PATE1: variants seen among roughly 807,000 people sequenced by gnomAD.
PATE1 encodes prostate and testis expressed 1.
PATE1 carries 21 observed loss-of-function variants against 13.1 expected under a neutral mutation model. The observed-to-expected ratio is 1.61, with a 90% confidence interval of 1.14 to 2.31. The LOEUF is 2.31. Ranked by LOEUF, PATE1 falls within the 30% of genes most tolerant of loss-of-function variation. The pLI is 0.00. For synonymous variants in PATE1, 52 were observed against 47.1 expected, an observed-to-expected ratio of 1.10 and a Z score of -0.43; for missense variants, 166 against 147.2, an observed-to-expected ratio of 1.13 and a Z score of -0.66.
chr11:125,746,400 G>A, intron 1 of PATE1, 44 bp downstream of exon 1: 1 of 1,593,312 alleles, frequency 6.3e-7, no homozygotes, highest in South Asian at 1.1e-5. Context: ...CTGAATTTAG[G>A]AACAGGTGAG....
Position 125,749,860 on chromosome 11 carries a change from T to C in PATE1, c.*1127T>C, listed in dbSNP as rs879548979. ...TATAAAGAAAGCTACCTTTCTTCTATACCCAAATTGTGTGTCCTTCTTTCT... is the reference window on the plus strand; with the variant it reads ...TATAAAGAAAGCTACCTTTCTTCTACACCCAAATTGTGTGTCCTTCTTTCT... On this transcript the variant is annotated 3_prime_UTR_variant, in exon 5 of 5. Transcript: ENST00000305738. 6 of 152,016 alleles carry C rather than the reference T, an allele frequency of 3.9e-5. No homozygotes were observed. Among genetic ancestry groups the C allele is most frequent in the Non-Finnish European group, 8.8e-5 (6 of 67,998 alleles). 9.4% of individuals were successfully genotyped at this position (152,016 alleles called of 1,614,324 possible).
Position 125,747,932 on chromosome 11 carries a change from T to C in PATE1, c.247+110T>C, listed in dbSNP as rs1943288255. On this transcript the variant is annotated intron_variant, in intron 4 of 4. Coordinates refer to ENST00000305738, the MANE Select transcript of PATE1 (RefSeq NM_138294.3). ...TTTACTTTTACTATAGGCAGTCTCA[T>C]ACCTGGGATGGCTGATTCCTTCATC... The C allele has an allele frequency of 4.8e-6, 7 of 1,473,424 alleles. No individual in the cohort carries two copies. In the Admixed American group the frequency reaches 5.8e-5, roughly 12 times the overall value. The allele number at this position is 1,473,424 out of a possible 1,614,324, so 91.3% of individuals were successfully genotyped here.
At chr11:125,748,474 A>T in intron 4 of PATE1, 126 bp from the exon 5 acceptor site, 1 of 1,178,554 alleles carries the variant, frequency 8.5e-7, no homozygotes, top group Non-Finnish European at 1.2e-6. Context: ...CCAGTTCTTT[A>T]CATTTGAATA....
rs781240082 is a variant in PATE1 at position 125,746,624 on chromosome 11, G to C, written c.53-37G>C. ...CTTTGAGATGGGGTTTGGAAAATGA[G>C]GTCTGCAGACAGTGTATCTCTTTTT... On this transcript the variant is annotated intron_variant, in intron 1 of 4. Coordinates refer to ENST00000305738, the MANE Select transcript of PATE1 (RefSeq NM_138294.3). 9 of 1,611,696 alleles carry C rather than the reference G, an allele frequency of 5.6e-6. No homozygotes were observed. The Admixed American group carries it at 1.3e-4, about 24-fold the overall frequency.
At chr11:125,746,524 A>T in intron 1 of PATE1, 137 bp from the exon 2 acceptor site, 9 of 1,321,524 alleles carry the variant, frequency 6.8e-6, no homozygotes, top group Non-Finnish European at 8.6e-6. Flanking sequence ...CAGGACCTTA[A>T]CTAAAGCTCT....
intron 1 of PATE1, 35 bp downstream of exon 1, chr11:125,746,391 T>A (rs1943272176): frequency 6.2e-7 from 1 of 1,605,174 alleles, no homozygotes; most frequent in African/African-American, 1.3e-5. Flanking sequence ...GTAAGAGTCC[T>A]GAATTTAGGA....
At chr11:125,747,315 C>G (rs897717419) in intron 2 of PATE1, 61 bp from the exon 3 acceptor site, 12 of 1,518,800 alleles carry the variant, frequency 7.9e-6, no homozygotes, top group Non-Finnish European at 9.9e-6. Flanking sequence ...CTATAAGAAC[C>G]CAATACAAGA....
In PATE1 at chr11:125,746,647, T is replaced by C. The variant is rs117352114; in HGVS notation, c.53-14T>C. ...GAGGTCTGCAGACAGTGTATCTCTT[T>C]TTTTTTCCAACAGCATTATCTGGAT... On this transcript the variant is annotated splice_polypyrimidine_tract_variant and intron_variant, in intron 1 of 4. Coordinates refer to ENST00000305738, the MANE Select transcript of PATE1 (RefSeq NM_138294.3). The C allele has an allele frequency of 0.017, 27,447 of 1,613,636 alleles. 271 individuals are homozygous for C. The highest frequency in any genetic ancestry group is 0.02 in the Non-Finnish European group (23,845 of 1,179,672).
At position 125,749,531 on chromosome 11, in the gene PATE1, G is replaced by C. The variant is rs1318012174; in HGVS notation, c.*798G>C. 6.6e-6 allele frequency: 1 copy of C among 152,280 alleles called. No individual in the cohort carries two copies. Among genetic ancestry groups the C allele is most frequent in the Non-Finnish European group, 1.5e-5 (1 of 68,122 alleles). The allele number at this position is 152,280 out of a possible 1,614,324, so 9.4% of individuals were successfully genotyped here. On this transcript the variant is annotated 3_prime_UTR_variant, in exon 5 of 5. Coordinates refer to ENST00000305738, the MANE Select transcript of PATE1 (RefSeq NM_138294.3). ...AGCAAAACAAATATTCCCATGCCTG[G>C]AGCATGGCATAGAGGAAGCTGAGAA...
chr11:125,748,815 C>T lies in PATE1; in HGVS notation c.*82C>T, dbSNP rs1305716817. The T allele has an allele frequency of 4.7e-6, 2 of 427,988 alleles. No individual in the cohort carries two copies. The highest frequency in any genetic ancestry group is 7.3e-5 in the East Asian group (1 of 13,728). 26.5% of individuals were successfully genotyped at this position (427,988 alleles called of 1,614,324 possible). On this transcript the variant is annotated 3_prime_UTR_variant, in exon 5 of 5. Transcript: ENST00000305738. ...TTCACAATGACTTTCTAAAAAAAATCACACACACACACACACACACTACAG... is the reference window on the plus strand; with the variant it reads ...TTCACAATGACTTTCTAAAAAAAATTACACACACACACACACACACTACAG...
Position 125,746,319 on chromosome 11 carries a change from C to T in PATE1, c.15C>T (p.Leu5=). 1 of 1,613,954 alleles carries T rather than the reference C, an allele frequency of 6.2e-7. No individual in the cohort carries two copies. The highest frequency in any genetic ancestry group is 8.5e-7 in the Non-Finnish European group (1 of 1,179,862). ...CTCTTTCCAAAATGGACAAGTCCCT[C>T]TTGCTGGAACTCCCCATCCTGCTCT... MDKS[L]LLELPILLCC... is the part of the protein sequence containing the mutation. Residue 5 remains leucine, a synonymous_variant, in exon 1 of 5, where the codon CTC becomes CTT. Coordinates refer to ENST00000305738, the MANE Select transcript of PATE1 (RefSeq NM_138294.3).
At position 125,748,909 on chromosome 11, in the gene PATE1, C is replaced by A; in HGVS notation, c.*176C>A. 1 of 661,282 alleles carries A rather than the reference C, an allele frequency of 1.5e-6. No homozygotes were observed. The allele number at this position is 661,282 out of a possible 1,614,324, so 41.0% of individuals were successfully genotyped here. On this transcript the variant is annotated 3_prime_UTR_variant, in exon 5 of 5. Coordinates refer to ENST00000305738, the MANE Select transcript of PATE1 (RefSeq NM_138294.3). ...GAAAGTCCCTCTCCTTTTCTACAGT[C>A]TCTGTCACGCCCCTTAAAATAAGTA...
Position 125,748,865 on chromosome 11 carries a change from C to T in PATE1, c.*132C>T, listed in dbSNP as rs1943304973. The T allele has an allele frequency of 2.6e-6, 3 of 1,149,898 alleles. No homozygotes were observed. The highest frequency in any genetic ancestry group is 3.6e-6 in the Non-Finnish European group (3 of 825,362). 71.2% of individuals were successfully genotyped at this position (1,149,898 alleles called of 1,614,324 possible). A position where few individuals can be genotyped will look rare whatever the true frequency, so the allele number is the denominator to read the frequency against. On this transcript the variant is annotated 3_prime_UTR_variant, in exon 5 of 5. Coordinates refer to ENST00000305738, the MANE Select transcript of PATE1 (RefSeq NM_138294.3). ...GAAGAGGATTGCAAACACATGGCTCCATCTTCTGCACACGAAAGGAAAGTC... is the reference window on the plus strand; with the variant it reads ...GAAGAGGATTGCAAACACATGGCTCTATCTTCTGCACACGAAAGGAAAGTC...
rs1943305767 is a variant in PATE1, at chr11:125,748,921, C to A, written c.*188C>A. The A allele has an allele frequency of 5.2e-6, 3 of 577,998 alleles. No homozygotes were observed. The highest frequency in any genetic ancestry group is 5.7e-6 in the Non-Finnish European group (2 of 353,816). 35.8% of individuals were successfully genotyped at this position (577,998 alleles called of 1,614,324 possible). ...CCTTTTCTACAGTCTCTGTCACGCCCCTTAAAATAAGTAAATAAATAACCT... is the reference window on the plus strand; with the variant it reads ...CCTTTTCTACAGTCTCTGTCACGCCACTTAAAATAAGTAAATAAATAACCT... On this transcript the variant is annotated 3_prime_UTR_variant, in exon 5 of 5. Transcript: ENST00000305738.
chr11:125,746,549 TG>T (rs1943273316), intron 1 of PATE1, 111 bp from the exon 2 acceptor site: 10 of 1,407,358 alleles, frequency 7.1e-6, no homozygotes, highest in South Asian at 3.5e-5. Flanking sequence ...CCTTCCTTTA[TG>T]GGGGGAAATA....
At chr11:125,748,297 T>C (rs1198726452) in intron 4 of PATE1, among the ~76,000 whole-genome samples, 1 of 152,186 alleles carries the variant, frequency 6.6e-6, no homozygotes, top group Non-Finnish European at 1.5e-5. Context: ...AAATTATCTC[T>C]TGGCATTTAT....
At chr11:125,747,975 T>C in intron 4 of PATE1, 153 bp downstream of exon 4, 1 of 1,206,882 alleles carries the variant, frequency 8.3e-7, no homozygotes, top group Non-Finnish European at 1.1e-6. Flanking sequence ...TATGCCGTAA[T>C]GAAAATTAGA....
intron 2 of PATE1, 121 bp downstream of exon 2, chr11:125,746,817 C>A: frequency 2.1e-6 from 2 of 966,970 alleles, no homozygotes; most frequent in Non-Finnish European, 3.3e-6. Flanking sequence ...TGAGTTCCAA[C>A]ACGCAACAAC....
rs773400064 is a variant in PATE1, at chr11:125,748,561, T to C, written c.248-39T>C. The C allele has an allele frequency of 2.5e-6, 4 of 1,599,398 alleles. No individual in the cohort carries two copies. In the African/African-American group the frequency reaches 4.0e-5, roughly 16 times the overall value. On this transcript the variant is annotated intron_variant, in intron 4 of 4. Coordinates refer to ENST00000305738, the MANE Select transcript of PATE1 (RefSeq NM_138294.3). ...GAAAAGTTTTTTAGCAGAACTTTCATGGCCAGGCTTCCTGATCTGTTTTTT... is the reference window on the plus strand; with the variant it reads ...GAAAAGTTTTTTAGCAGAACTTTCACGGCCAGGCTTCCTGATCTGTTTTTT...
Sources: allele counts gnomAD v4.1 joint callset (sites outside exome capture counted in the v4.1 genomes callset), GRCh38; gene constraint gnomAD v4.1.1; transcripts MANE v1.5; gene names NCBI Gene and HGNC (gene_info 2026-07-23, HGNC 2026-07-21).